Variants in AZIN2 observed in about 807,000 individuals in gnomAD.
AZIN2 encodes antizyme inhibitor 2.
AZIN2 carries 28 observed loss-of-function variants against 47.8 expected under a neutral mutation model. The ratio of observed to expected loss-of-function variants is 0.59; its 90% CI spans 0.43 to 0.80. The LOEUF (loss-of-function observed/expected upper bound fraction) is 0.80, where lower values mean the gene tolerates loss of function less well. AZIN2 is among the 30% of genes least tolerant of loss of function. The pLI is 0.00. For missense variants in AZIN2, 535 were observed against 582.5 expected, an observed-to-expected ratio of 0.92 and a Z score of 0.84; for synonymous variants, 221 against 239.4, an observed-to-expected ratio of 0.92 and a Z score of 0.71.
the AZIN2 span, chr1:33,147,340 T>C: frequency 1.2e-6 from 2 of 1,614,196 alleles, no homozygotes; most frequent in Admixed American, 3.3e-5. The surrounding 1 kb of genome is among the most constrained non-coding windows in gnomAD (Gnocchi z 8.1). Context: ...GCCTTGGTCA[T>C]AGTCCAGGAA....
At chr1:33,148,572 A>G in the AZIN2 span, among the ~76,000 whole-genome samples, 349 of 152,294 alleles carry the variant, frequency 2.3e-3, 3 homozygotes, top group Admixed American at 3.7e-3. Context: ...TAGGTTTTCT[A>G]GTGTGATTGT....
chr1:33,099,861 G>A (rs1643526071), intron 10 of AZIN2, among the ~76,000 whole-genome samples: 1 of 152,242 alleles, frequency 6.6e-6, no homozygotes, highest in African/African-American at 2.4e-5. Context: ...CACATAATAA[G>A]TTAACTCCTG....
intron 8 of AZIN2, among the ~76,000 whole-genome samples, chr1:33,096,198 G>A (rs919885491): frequency 1.4e-4 from 22 of 152,196 alleles, no homozygotes; most frequent in African/African-American, 4.1e-4. Flanking sequence ...TATTCATTAA[G>A]TGGAAGTGGA....
At chr1:33,147,410 C>G in the AZIN2 span, 2 of 1,614,156 alleles carry the variant, frequency 1.2e-6, no homozygotes, top group Non-Finnish European at 1.7e-6. The surrounding 1 kb of genome is among the most constrained non-coding windows in gnomAD (Gnocchi z 8.1). Context: ...TCCGTGCAGG[C>G]GCTGTACTGG....
the AZIN2 span, among the ~76,000 whole-genome samples, chr1:33,161,615 T>C: frequency 6.6e-6 from 1 of 151,772 alleles, no homozygotes; most frequent in Non-Finnish European, 1.5e-5. This position sits in a 1 kb window ranked among gnomAD's most constrained non-coding sequence, Gnocchi z 4.3. Flanking sequence ...AGTCTGGGGA[T>C]GCACGGCCAG....
Position 33,098,101 on chromosome 1 carries a change from C to T in AZIN2, c.951C>T (p.Tyr317=). Residue 317 remains tyrosine, a synonymous_variant, in exon 10 of 12, where the codon TAC becomes TAT. Coordinates refer to ENST00000294517, the MANE Select transcript of AZIN2 (RefSeq NM_052998.4). ...ENGSTSKTIV[Y]HLDEGVYGIF... is the part of the protein sequence containing the mutation. ...GTTCCACCTCCAAGACCATCGTGTACCACCTTGATGAGGGCGTGTATGGGA... is the reference window on the plus strand; with the variant it reads ...GTTCCACCTCCAAGACCATCGTGTATCACCTTGATGAGGGCGTGTATGGGA... 1 of 1,614,144 alleles carries T rather than the reference C, an allele frequency of 6.2e-7. No individual in the cohort carries two copies. The highest frequency in any genetic ancestry group is 8.5e-7 in the Non-Finnish European group (1 of 1,180,026).
chr1:33,153,652 T>C, the AZIN2 span, among the ~76,000 whole-genome samples: 1 of 152,098 alleles, frequency 6.6e-6, no homozygotes, highest in Non-Finnish European at 1.5e-5. Flanking sequence ...TGCTCCCTTA[T>C]GAGGGAGTTG....
intron 10 of AZIN2, among the ~76,000 whole-genome samples, chr1:33,106,791 C>G (rs1386269784): frequency 2.0e-5 from 3 of 152,170 alleles, no homozygotes; most frequent in South Asian, 2.1e-4. Context: ...CCATATATGA[C>G]AAGCTCACAG....
the AZIN2 span, among the ~76,000 whole-genome samples, chr1:33,139,287 T>C: frequency 1.3e-5 from 2 of 152,162 alleles, no homozygotes; most frequent in Non-Finnish European, 2.9e-5. Context: ...CCTCCCATCT[T>C]GGAGATGGGG....
Position 33,114,502 on chromosome 1 carries a change from C to T in AZIN2, c.1030-3400C>T, listed in dbSNP as rs146027570. On this transcript the variant is annotated intron_variant, in intron 10 of 11. Coordinates refer to ENST00000294517, the MANE Select transcript of AZIN2 (RefSeq NM_052998.4). ...CCAAGTAGCTGGGACTACAGGCGCC[C>T]GCCACCATGCCCGGCTAATTTTTTG... Among the ~76,000 whole-genome samples, 1,399 of 150,040 alleles carry T rather than the reference C, an allele frequency of 9.3e-3. 17 individuals carry two copies. The highest frequency in any genetic ancestry group is 0.032 in the African/African-American group (1,308 of 40,822).
the AZIN2 span, among the ~76,000 whole-genome samples, chr1:33,132,019 G>A: frequency 2.2e-4 from 33 of 152,158 alleles, no homozygotes; most frequent in African/African-American, 3.6e-4. Flanking sequence ...AGGGGCCTTC[G>A]CAGCAGAGCT....
chr1:33,125,733 C>CCCTTTCCTTT (rs59708630), downstream of AZIN2, among the ~76,000 whole-genome samples: 272 of 152,010 alleles, frequency 1.8e-3, 1 homozygote, highest in South Asian at 6.6e-3. Context: ...TCATCACACG[C>CCCTTTCCTTT]CCTTTCCTTT....
In AZIN2 at chr1:33,121,415, T is replaced by G. The variant is rs1471792566; in HGVS notation, c.*1233T>G. Among the ~76,000 whole-genome samples, 2 of 151,844 alleles carry G rather than the reference T, an allele frequency of 1.3e-5. No individual in the cohort carries two copies. The highest frequency in any genetic ancestry group is 4.8e-5 in the African/African-American group (2 of 41,332). ...CCGTCTCTACTAAAAATACAAAAATTAGCCAGGTGTGGTGGTATGTGCCTG... is the reference window on the plus strand; with the variant it reads ...CCGTCTCTACTAAAAATACAAAAATGAGCCAGGTGTGGTGGTATGTGCCTG... On this transcript the variant is annotated 3_prime_UTR_variant, in exon 12 of 12. Transcript: ENST00000294517.
chr1:33,087,190 G>C (rs1194456882), intron 5 of AZIN2, among the ~76,000 whole-genome samples: 2 of 151,000 alleles, frequency 1.3e-5, no homozygotes, highest in African/African-American at 2.4e-5. Context: ...CTGGAGTGCA[G>C]TGGCGCAATC....
the AZIN2 span, among the ~76,000 whole-genome samples, chr1:33,143,796 C>T: frequency 1.3e-5 from 2 of 152,260 alleles, no homozygotes; most frequent in Non-Finnish European, 2.9e-5. Flanking sequence ...CCCTTGCACA[C>T]TGCAGAGAGC....
chr1:33,149,309 C>T, the AZIN2 span, among the ~76,000 whole-genome samples: 6 of 152,138 alleles, frequency 3.9e-5, no homozygotes, highest in South Asian at 2.1e-4. Flanking sequence ...CGCGCCACCA[C>T]GCCTGGCTAA....
At chr1:33,162,911 C>G in the AZIN2 span, 1 of 152,336 alleles carries the variant, frequency 6.6e-6, no homozygotes, top group African/African-American at 2.4e-5. Flanking sequence ...CATTTTCTAG[C>G]TGTGGGACTT....
chr1:33,124,355 G>A (rs1418140742), downstream of AZIN2, among the ~76,000 whole-genome samples: 9 of 152,026 alleles, frequency 5.9e-5, no homozygotes. The surrounding 1 kb of genome is among the most constrained non-coding windows in gnomAD (Gnocchi z 4.6). Flanking sequence ...TGGAGCAGAA[G>A]AAGCACGTCA....
At chr1:33,157,491 C>G in the AZIN2 span, among the ~76,000 whole-genome samples, 131 of 152,308 alleles carry the variant, frequency 8.6e-4, no homozygotes, top group African/African-American at 2.8e-3. Flanking sequence ...CAGCCCCCTT[C>G]CTTATTCTTT....
Sources: gnomAD v4.1 joint callset for allele counts (sites outside exome capture counted in the v4.1 genomes callset) on GRCh38, gnomAD v4.1.1 for gene constraint, Gnocchi (gnomAD v3.1) non-coding constraint, MANE v1.5 for transcripts, NCBI Gene and HGNC (gene_info 2026-07-23, HGNC 2026-07-21) for gene names.